Variants in SDK1 observed in about 807,000 individuals in gnomAD.
The protein encoded by SDK1 is sidekick cell adhesion molecule 1.
A neutral mutation model predicts 245.5 loss-of-function variants in SDK1; 157 were observed. That is an observed-to-expected ratio of 0.64 (90% CI 0.56 to 0.73). SDK1 has a LOEUF of 0.73. Ranked by LOEUF, SDK1 falls within the 30% of genes least tolerant of loss-of-function variation. SDK1 has a pLI of 0.00. For missense variants in SDK1, 3,583 were observed against 3,002.3 expected (o/e 1.19, Z -4.52); for synonymous variants, 1,647 against 1,278.5 (o/e 1.29, Z -6.15).
chr7:3,982,481 C>G (rs1273159828), intron 13 of SDK1, among the ~76,000 whole-genome samples: 1 of 152,190 alleles, frequency 6.6e-6, no homozygotes, highest in East Asian at 1.9e-4. Context: ...GATAATTCCT[C>G]TGATGGATCT....
chr7:4,253,847 T>G (rs1176531361), intron 44 of SDK1, among the ~76,000 whole-genome samples: 2 of 152,238 alleles, frequency 1.3e-5, no homozygotes, highest in Non-Finnish European at 2.9e-5. Context: ...TATTTACCAT[T>G]TTATCAGATA....
In SDK1 at chr7:4,175,832, C is replaced by T. The variant is rs541010391; in HGVS notation, c.4994C>T (p.Thr1665Ile). ...TCCACATCGACGATGTGTGAACTAA[C>T]ACGTAAGTGCGCTCTCAGCGGGAGG... ...SSSTSTMCEL[T>I]HLKKYRRYEV... The change falls in exon 34 of 45, where the codon ACA becomes ATA. Residue 1665 changes from threonine (T) to isoleucine (I), a missense_variant and splice_region_variant. Physicochemically the swap from Thr to Ile is moderately conservative, Grantham distance 89 (BLOSUM62 -1). Transcript: ENST00000404826. 5.1e-5 allele frequency: 82 copies of T among 1,612,974 alleles called. No homozygotes were observed. The Admixed American group carries it at 1.1e-3, about 21-fold the overall frequency.
At chr7:3,572,673 A>T (rs912828060) in intron 1 of SDK1, among the ~76,000 whole-genome samples, 1 of 152,026 alleles carries the variant, frequency 6.6e-6, no homozygotes, top group Non-Finnish European at 1.5e-5. Context: ...TCTATTTGTC[A>T]AGTGCCTGTA....
intron 4 of SDK1, among the ~76,000 whole-genome samples, chr7:3,814,540 G>A (rs912651169): frequency 0.015 from 2,255 of 151,722 alleles, 48 homozygotes; most frequent in African/African-American, 0.051. Flanking sequence ...TTGAAGTCAG[G>A]TAGTGTGATG....
At chr7:3,928,577 C>T (rs1171176633) in intron 5 of SDK1, among the ~76,000 whole-genome samples, 1 of 151,620 alleles carries the variant, frequency 6.6e-6, no homozygotes, top group Non-Finnish European at 1.5e-5. Context: ...GGTAGGCAGA[C>T]GCCACATTTC....
intron 1 of SDK1, among the ~76,000 whole-genome samples, chr7:3,617,643 C>G (rs993027827): frequency 2.6e-5 from 4 of 152,206 alleles, no homozygotes; most frequent in African/African-American, 4.8e-5. Flanking sequence ...CTATATCATC[C>G]TGTCATGGAA....
chr7:3,480,943 T>C (rs922456109), intron 1 of SDK1, among the ~76,000 whole-genome samples: 1 of 152,250 alleles, frequency 6.6e-6, no homozygotes, highest in Non-Finnish European at 1.5e-5. Context: ...TTTCTGTTGG[T>C]ATCCTTGTGT....
chr7:3,511,276 AT>A (rs1360061969), intron 1 of SDK1, among the ~76,000 whole-genome samples: 2 of 152,224 alleles, frequency 1.3e-5, no homozygotes, highest in East Asian at 3.9e-4. Context: ...TAGTTAGATT[AT>A]TTTTGCTTTC....
At chr7:3,579,663 G>A (rs962684709) in intron 1 of SDK1, among the ~76,000 whole-genome samples, 1 of 152,006 alleles carries the variant, frequency 6.6e-6, no homozygotes, top group African/African-American at 2.4e-5. Flanking sequence ...AGTGTTGGAA[G>A]TCTTGGCCAG....
chr7:4,097,683 G>A (rs540979307), intron 22 of SDK1, among the ~76,000 whole-genome samples: 4 of 152,290 alleles, frequency 2.6e-5, no homozygotes, highest in Admixed American at 2.6e-4. Flanking sequence ...AAGATCTGGG[G>A]CTGGGGATTT....
At position 4,266,185 on chromosome 7, in the gene SDK1, C is replaced by T. The variant is rs556194422; in HGVS notation, c.*801C>T. 1.6e-5 allele frequency: 16 copies of T among 985,480 alleles called. No individual in the cohort carries two copies. The highest frequency in any genetic ancestry group is 5.2e-5 in the African/African-American group (3 of 57,376). The allele number at this position is 985,480 out of a possible 1,614,324, so 61.0% of individuals were successfully genotyped here. On this transcript the variant is annotated 3_prime_UTR_variant, in exon 45 of 45. Coordinates refer to ENST00000404826, the MANE Select transcript of SDK1 (RefSeq NM_152744.4). ...AGCACACGGTCAACTCCGCGGGACACGAGGACACGGGACGGCGTCTCCAGA... is the reference window on the plus strand; with the variant it reads ...AGCACACGGTCAACTCCGCGGGACATGAGGACACGGGACGGCGTCTCCAGA...
At chr7:4,103,609 A>T (rs539802927) in intron 22 of SDK1, among the ~76,000 whole-genome samples, 9 of 152,348 alleles carry the variant, frequency 5.9e-5, no homozygotes, top group African/African-American at 2.2e-4. Flanking sequence ...ACCCATTTTC[A>T]GTACTGATTT....
intron 1 of SDK1, among the ~76,000 whole-genome samples, chr7:3,444,525 T>C (rs1428142907): frequency 6.6e-6 from 1 of 152,232 alleles, no homozygotes; most frequent in Non-Finnish European, 1.5e-5. Flanking sequence ...TTAAGAACTT[T>C]TTATAAGAGA....
Position 4,175,812 on chromosome 7 carries a change from A to G in SDK1, c.4974A>G (p.Thr1658=), listed in dbSNP as rs1412339746. ...TCAAGACGGTGAACAGCAGCTCCACATCGACGATGTGTGAACTAACACGTA... is the reference window on the plus strand; with the variant it reads ...TCAAGACGGTGAACAGCAGCTCCACGTCGACGATGTGTGAACTAACACGTA... ...SSFKTVNSSS[T]STMCELTHLK... is the part of the protein sequence containing the mutation. The change falls in exon 34 of 45, where the codon ACA becomes ACG. Residue 1658 remains threonine, a synonymous_variant. Coordinates refer to ENST00000404826, the MANE Select transcript of SDK1 (RefSeq NM_152744.4). 3.7e-6 allele frequency: 6 copies of G among 1,613,802 alleles called. No individual in the cohort carries two copies. The highest frequency in any genetic ancestry group is 2.2e-5 in the East Asian group (1 of 44,868).
intron 1 of SDK1, among the ~76,000 whole-genome samples, chr7:3,398,790 A>C (rs1334661714): frequency 1.4e-5 from 2 of 144,004 alleles, no homozygotes; most frequent in Admixed American, 6.9e-5. Flanking sequence ...TTTTTTCCTC[A>C]AGCTAGTTTA....
chr7:4,216,436 T>G (rs761763486), intron 38 of SDK1, among the ~76,000 whole-genome samples: 17 of 152,246 alleles, frequency 1.1e-4, no homozygotes, highest in Non-Finnish European at 2.1e-4. Context: ...TGTGCCTGCG[T>G]GGGGGACTCT....
At position 4,266,608 on chromosome 7, in the gene SDK1, A is replaced by C. The variant is rs1788487136; in HGVS notation, c.*1224A>C. 1 of 985,272 alleles carries C rather than the reference A, an allele frequency of 1.0e-6. No homozygotes were observed. Among genetic ancestry groups the C allele is most frequent in the African/African-American group, 1.7e-5 (1 of 57,220 alleles). The allele number at this position is 985,272 out of a possible 1,614,324, so 61.0% of individuals were successfully genotyped here. On this transcript the variant is annotated 3_prime_UTR_variant, in exon 45 of 45. Transcript: ENST00000404826. ...TTTAAAATTGTCATTGTTTGGTTTA[A>C]ATTTTTCAGCTAGATGAAAAGAGTA...
intron 5 of SDK1, among the ~76,000 whole-genome samples, chr7:3,937,138 A>G (rs1304190450): frequency 6.6e-6 from 1 of 151,902 alleles, no homozygotes; most frequent in Non-Finnish European, 1.5e-5. Flanking sequence ...TGGAGATGAA[A>G]CTTCTCAGCT....
chr7:3,757,682 G>T (rs904596719), intron 4 of SDK1, among the ~76,000 whole-genome samples: 3 of 152,200 alleles, frequency 2.0e-5, no homozygotes, highest in Non-Finnish European at 4.4e-5. Flanking sequence ...CGTCCTCCCA[G>T]TACCTCTGTG....
Sources: gnomAD v4.1 joint callset for allele counts (sites outside exome capture counted in the v4.1 genomes callset) on GRCh38, gnomAD v4.1.1 for gene constraint, MANE v1.5 for transcripts, NCBI Gene and HGNC (gene_info 2026-07-23, HGNC 2026-07-21) for gene names.